The following NELL2 variants were observed in gnomAD, a reference collection of about 807,000 sequenced individuals.
NELL2 encodes protein kinase C-binding protein NELL2.
NELL2 carries 41 observed loss-of-function variants against 109.6 expected under a neutral mutation model. That is an observed-to-expected ratio of 0.37 (90% CI 0.29 to 0.49). The LOEUF is 0.49. Ranked by LOEUF, NELL2 falls within the 20% of genes least tolerant of loss-of-function variation. The pLI is 0.98. For missense variants in NELL2, 900 were observed against 1,008.3 expected (o/e 0.89, Z 1.45); for synonymous variants, 355 against 344.7 (o/e 1.03, Z -0.33).
Position 44,521,842 on chromosome 12 carries a change from C to G in NELL2, c.2175+158G>C, listed in dbSNP as rs370343377. 1.5e-5 allele frequency: 10 copies of G among 647,224 alleles called. No individual in the cohort carries two copies. The East Asian group carries it at 2.2e-4, about 14-fold the overall frequency. 40.1% of individuals were successfully genotyped at this position (647,224 alleles called of 1,614,324 possible). On this transcript the variant is annotated intron_variant, in intron 18 of 19. Transcript: ENST00000429094. ...AGAATATTCCTTCTTGGGTTGTGAT[C>G]GTGTAACTATCACCTCATCATCCTA...
chr12:44,775,338 T>C (rs1941715805), intron 8 of NELL2, among the ~76,000 whole-genome samples: 1 of 149,366 alleles, frequency 6.7e-6, no homozygotes, highest in Admixed American at 6.6e-5. Flanking sequence ...GGATGAACTT[T>C]GAGAAATTTT....
At chr12:44,803,628 T>C (rs527540654) in intron 3 of NELL2, among the ~76,000 whole-genome samples, 45 of 152,144 alleles carry the variant, frequency 3.0e-4, no homozygotes, top group African/African-American at 9.9e-4. Context: ...AAAGCAAACA[T>C]TAAATTAGGA....
At chr12:44,516,408 T>C (rs962968738) in intron 19 of NELL2, among the ~76,000 whole-genome samples, 1 of 152,164 alleles carries the variant, frequency 6.6e-6, no homozygotes, top group Admixed American at 6.5e-5. Context: ...TAGTATGTGT[T>C]GCATTGTGTA....
chr12:44,741,083 T>A (rs1939933130), intron 9 of NELL2, among the ~76,000 whole-genome samples: 1 of 151,564 alleles, frequency 6.6e-6, no homozygotes, highest in South Asian at 2.1e-4. Context: ...CTGCAACCCC[T>A]GGGACAGCTG....
chr12:44,761,513 A>AATCTC (rs1941124854), intron 9 of NELL2, among the ~76,000 whole-genome samples: 1 of 152,208 alleles, frequency 6.6e-6, no homozygotes, highest in Non-Finnish European at 1.5e-5. Context: ...TCAACCCAGC[A>AATCTC]ATCTCACTAT....
chr12:44,644,582 ATATATATATATATATATATATGTATG>A (rs1592259840), intron 13 of NELL2, among the ~76,000 whole-genome samples: 1 of 68,412 alleles, frequency 1.5e-5, no homozygotes, highest in East Asian at 4.2e-4. Flanking sequence ...AAAGTAAAGT[ATATATATATATATATATATATGTATG>A]TATATATATA....
intron 13 of NELL2, among the ~76,000 whole-genome samples, chr12:44,638,230 C>T (rs754424552): frequency 2.6e-5 from 4 of 152,012 alleles, no homozygotes; most frequent in African/African-American, 4.8e-5. Context: ...TATTCTGTTC[C>T]GACCAGACGC....
rs146936717 is a variant in NELL2, at chr12:44,522,008, G to A, written c.2167C>T (p.Arg723Cys). The change falls in exon 18 of 20, where the codon CGC becomes TGC. Residue 723 changes from arginine (R) to cysteine (C), a missense_variant. This residue lies in a region of NELL2 where 333 missense variants were observed against 432.3 expected (regional missense o/e 0.77). Coordinates refer to ENST00000429094, the MANE Select transcript of NELL2 (RefSeq NM_001145108.2). ...CATGTAGCTAAATTTACCAAGCAGC[G>A]GCACTGTTGACAATTCTGGACCCAG... is the stretch of plus-strand genomic sequence containing the variant. ...DTWVQNCQQC[R>C]CLQGEVDCWP... The A allele has an allele frequency of 1.6e-5, 25 of 1,612,748 alleles. No individual in the cohort carries two copies. Among genetic ancestry groups the A allele is most frequent in the Admixed American group, 1.2e-4 (7 of 59,788 alleles).
intron 15 of NELL2, among the ~76,000 whole-genome samples, chr12:44,555,011 G>A (rs1943191406): frequency 6.6e-6 from 1 of 152,222 alleles, no homozygotes; most frequent in South Asian, 2.1e-4. Context: ...TGTGCTGGAG[G>A]AAGACATACT....
intron 18 of NELL2, among the ~76,000 whole-genome samples, chr12:44,520,471 A>G (rs74582395): frequency 0.027 from 4,081 of 152,278 alleles, 177 homozygotes; most frequent in African/African-American, 0.093. Context: ...AATAACACCA[A>G]TAAAACAAAA....
At chr12:44,822,448 T>C (rs1235997546) in intron 2 of NELL2, among the ~76,000 whole-genome samples, 1 of 152,178 alleles carries the variant, frequency 6.6e-6, no homozygotes. Context: ...CTTCTTAACA[T>C]ACAATCCTGC....
intron 1 of NELL2, among the ~76,000 whole-genome samples, chr12:44,901,108 G>T (rs1300243216): frequency 6.6e-6 from 1 of 152,170 alleles, no homozygotes; most frequent in Non-Finnish European, 1.5e-5. Context: ...AATGAATCCA[G>T]TAGCTGGTTT....
intron 15 of NELL2, among the ~76,000 whole-genome samples, chr12:44,573,142 G>T (rs545910449): frequency 2.0e-5 from 3 of 152,212 alleles, no homozygotes; most frequent in Non-Finnish European, 4.4e-5. Context: ...TTACAAGACG[G>T]TCCATCAGCT....
At chr12:44,668,632 T>C (rs1948025894) in intron 12 of NELL2, among the ~76,000 whole-genome samples, 2 of 151,736 alleles carry the variant, frequency 1.3e-5, no homozygotes, top group Admixed American at 6.6e-5. Context: ...GGAGCCTGGG[T>C]ATAGGCCCGC....
At chr12:44,531,344 G>A (rs1295471385) in intron 16 of NELL2, among the ~76,000 whole-genome samples, 3 of 152,136 alleles carry the variant, frequency 2.0e-5, no homozygotes, top group African/African-American at 7.2e-5. Flanking sequence ...GCTTATCAGG[G>A]AAGAACAAAG....
intron 13 of NELL2, among the ~76,000 whole-genome samples, chr12:44,620,707 G>A (rs905208675): frequency 4.6e-5 from 7 of 151,890 alleles, no homozygotes; most frequent in East Asian, 1.9e-4. Flanking sequence ...ACATTTATCC[G>A]GGGCCAGGTC....
At chr12:44,558,324 A>G (rs937942999) in intron 15 of NELL2, among the ~76,000 whole-genome samples, 2 of 152,260 alleles carry the variant, frequency 1.3e-5, no homozygotes, top group Admixed American at 6.5e-5. Context: ...GATGTTCAAG[A>G]CAAAACAAGA....
chr12:44,889,629 AT>A (rs1323727795), intron 1 of NELL2, among the ~76,000 whole-genome samples: 2 of 152,002 alleles, frequency 1.3e-5, no homozygotes, highest in Non-Finnish European at 2.9e-5. Context: ...AAATACCAGA[AT>A]ATTCTTAGTG....
intron 2 of NELL2, among the ~76,000 whole-genome samples, chr12:44,817,099 T>C (rs959937136): frequency 3.4e-4 from 52 of 152,324 alleles, no homozygotes; most frequent in African/African-American, 1.2e-3. Flanking sequence ...ACAATCCTTC[T>C]TTGTGCAGGA....
Sources: gnomAD v4.1 joint callset for allele counts (sites outside exome capture counted in the v4.1 genomes callset) on GRCh38, gnomAD v4.1.1 for gene constraint, gnomAD v4.1.1 regional missense constraint, MANE v1.5 for transcripts, NCBI Gene and HGNC (gene_info 2026-07-23, HGNC 2026-07-21) for gene names.